ROBO1: variants seen among roughly 807,000 people sequenced by gnomAD.
ROBO1 encodes roundabout homolog 1.
A neutral mutation model predicts 195.9 loss-of-function variants in ROBO1; 149 were observed. The observed-to-expected ratio is 0.76, with a 90% CI of 0.67 to 0.87. The LOEUF (loss-of-function observed/expected upper bound fraction) is 0.87, where lower values mean the gene tolerates loss of function less well. Among genes scored for constraint, ROBO1 ranks in the 40% least tolerant of loss-of-function variants. The pLI is 0.00. For synonymous variants in ROBO1, 816 were observed against 733.2 expected, an observed-to-expected ratio of 1.11 and a Z score of -1.82; for missense variants, 1,933 against 2,068.3, an observed-to-expected ratio of 0.93 and a Z score of 1.27.
chr3:79,763,930 C>G (rs1325644678), intron 1 of ROBO1, among the ~76,000 whole-genome samples: 1 of 152,098 alleles, frequency 6.6e-6, no homozygotes, highest in African/African-American at 2.4e-5. Context: ...ATAGGTAGGT[C>G]CAGTTAACTG....
chr3:79,077,124 G>A (rs577125739), intron 3 of ROBO1, among the ~76,000 whole-genome samples: 8 of 151,818 alleles, frequency 5.3e-5, no homozygotes, highest in Non-Finnish European at 1.0e-4. Flanking sequence ...CATGCTGTAC[G>A]TGAGATATCC....
chr3:79,465,327 A>C (rs1166864593), intron 2 of ROBO1, among the ~76,000 whole-genome samples: 1 of 152,154 alleles, frequency 6.6e-6, no homozygotes, highest in Non-Finnish European at 1.5e-5. Context: ...ATCGCAAAAA[A>C]GATCCCCTTA....
intron 2 of ROBO1, among the ~76,000 whole-genome samples, chr3:79,251,168 C>A (rs1006844581): frequency 1.3e-5 from 2 of 151,906 alleles, no homozygotes; most frequent in African/African-American, 4.8e-5. Flanking sequence ...TATATAATTA[C>A]CCAATTAAAA....
At chr3:79,575,851 G>A (rs1281635117) in intron 2 of ROBO1, among the ~76,000 whole-genome samples, 2 of 151,688 alleles carry the variant, frequency 1.3e-5, no homozygotes, top group Non-Finnish European at 2.9e-5. Context: ...TTTACAACAA[G>A]CATTCACAAT....
chr3:78,978,380 C>G (rs1392356507), intron 3 of ROBO1, among the ~76,000 whole-genome samples: 2 of 152,060 alleles, frequency 1.3e-5, no homozygotes, highest in African/African-American at 4.8e-5. Context: ...CTTCCATAGA[C>G]TGCTGCTTTA....
At chr3:79,554,759 C>A in intron 2 of ROBO1, among the ~76,000 whole-genome samples, 1 of 152,170 alleles carries the variant, frequency 6.6e-6, no homozygotes, top group East Asian at 1.9e-4. Flanking sequence ...TAGTTGGAAT[C>A]AGAAGAAGTA....
intron 1 of ROBO1, among the ~76,000 whole-genome samples, chr3:79,591,248 G>GA (rs1943992129): frequency 2.0e-5 from 3 of 151,502 alleles, no homozygotes; most frequent in Admixed American, 1.3e-4. Flanking sequence ...ATAACAAATT[G>GA]AAAAAAAGGT....
intron 3 of ROBO1, among the ~76,000 whole-genome samples, chr3:79,063,009 G>A (rs2078947385): frequency 6.6e-6 from 1 of 151,758 alleles, no homozygotes; most frequent in Non-Finnish European, 1.5e-5. Flanking sequence ...GAAAAAAAAT[G>A]ACCTTCCGTT....
intron 2 of ROBO1, among the ~76,000 whole-genome samples, chr3:79,422,607 A>AT (rs1015343836): frequency 6.6e-6 from 1 of 152,036 alleles, no homozygotes; most frequent in Non-Finnish European, 1.5e-5. Flanking sequence ...GGAAATAGAG[A>AT]TTTTTTTTCT....
chr3:79,207,508 C>T (rs1016810035), intron 2 of ROBO1, among the ~76,000 whole-genome samples: 3 of 152,098 alleles, frequency 2.0e-5, no homozygotes, highest in African/African-American at 7.2e-5. Flanking sequence ...CACATTCTTT[C>T]TTCCAAAAAG....
rs538700763 is a variant in ROBO1, at chr3:79,111,918, G to A, written c.172+13538C>T. 3.3e-5 allele frequency among the ~76,000 whole-genome samples: 5 copies of A among 152,148 alleles called. No individual in the cohort carries two copies. The South Asian group carries it at 1.0e-3, about 32-fold the overall frequency. On this transcript the variant is annotated intron_variant, in intron 3 of 30. Transcript: ENST00000464233. ...AGAATGGAGAGAGAGGAATTCATGT[G>A]GTTATCAAGCACTTGACATGTGGCT...
chr3:79,585,644 T>A (rs1033157760), intron 2 of ROBO1, among the ~76,000 whole-genome samples: 3 of 151,982 alleles, frequency 2.0e-5, no homozygotes, highest in African/African-American at 7.2e-5. Flanking sequence ...ATTCTTTAAG[T>A]GTACTCAACA....
intron 18 of ROBO1, among the ~76,000 whole-genome samples, chr3:78,654,104 T>C (rs973876823): frequency 6.6e-6 from 1 of 152,258 alleles, no homozygotes; most frequent in Non-Finnish European, 1.5e-5. Flanking sequence ...TAACATTTTT[T>C]ATGGATTCTT....
intron 10 of ROBO1, among the ~76,000 whole-genome samples, chr3:78,682,336 G>A (rs1317265652): frequency 1.3e-5 from 2 of 150,910 alleles, no homozygotes; most frequent in Non-Finnish European, 3.0e-5. Flanking sequence ...ACATAAAACT[G>A]TTTTTATGTG....
At chr3:78,642,381 G>C (rs1706021076) in intron 21 of ROBO1, among the ~76,000 whole-genome samples, 1 of 152,136 alleles carries the variant, frequency 6.6e-6, no homozygotes. Context: ...GGTGAAGGAG[G>C]CTGGCAGGAA....
intron 2 of ROBO1, among the ~76,000 whole-genome samples, chr3:79,174,411 C>T (rs1014556216): frequency 3.3e-5 from 5 of 151,922 alleles, no homozygotes; most frequent in African/African-American, 9.7e-5. Context: ...CGAACACATC[C>T]GAACATTGGA....
rs189929815 is a variant in ROBO1 at position 79,649,369 on chromosome 3, C to T, written c.-50-59408G>A. Among the ~76,000 whole-genome samples the T allele has an allele frequency of 7.5e-3, 1,136 of 151,952 alleles. 16 individuals carry two copies. Among genetic ancestry groups the T allele is most frequent in the African/African-American group, 0.024 (981 of 41,466 alleles). ...ACATTTGTTTATATATTTATTTAACCTATCTATAGTTATACTGCAAAATAA... is the reference window on the plus strand; with the variant it reads ...ACATTTGTTTATATATTTATTTAACTTATCTATAGTTATACTGCAAAATAA... On this transcript the variant is annotated intron_variant, in intron 1 of 30. Transcript: ENST00000464233.
chr3:78,916,112 G>A (rs946555989), intron 4 of ROBO1, among the ~76,000 whole-genome samples: 4 of 151,832 alleles, frequency 2.6e-5, no homozygotes, highest in African/African-American at 9.7e-5. Flanking sequence ...TTAGCCGGGT[G>A]TGGTGGCGGC....
In ROBO1 at chr3:78,926,491, G is replaced by A. The variant is rs137967786; in HGVS notation, c.499+12110C>T. The stretch of plus-strand genomic sequence containing the variant: ...GAAAGAAAGTCGGGAAGAATCAATC[G>A]CAGGTTTCTGGTCTGGAGGGTTGGA... On this transcript the variant is annotated intron_variant, in intron 4 of 30. Coordinates refer to ENST00000464233, the MANE Select transcript of ROBO1 (RefSeq NM_002941.4). Among the ~76,000 whole-genome samples the A allele has an allele frequency of 3.6e-3, 543 of 152,242 alleles. 4 individuals are homozygous for A. Among genetic ancestry groups the A allele is most frequent in the African/African-American group, 0.012 (507 of 41,532 alleles).
Sources: gnomAD v4.1 joint callset for allele counts (sites outside exome capture counted in the v4.1 genomes callset) on GRCh38, gnomAD v4.1.1 for gene constraint, MANE v1.5 for transcripts, NCBI Gene and HGNC (gene_info 2026-07-23, HGNC 2026-07-21) for gene names.